CPAMD8: variants seen among roughly 807,000 people sequenced by gnomAD.
CPAMD8 encodes C3 and PZP like alpha-2-macroglobulin domain containing 8.
Under a neutral mutation model 224.7 loss-of-function variants are expected in CPAMD8, and 146 were observed. The ratio of observed to expected loss-of-function variants is 0.65; its 90% CI spans 0.57 to 0.75. The LOEUF (loss-of-function observed/expected upper bound fraction) is 0.75, where lower values mean the gene tolerates loss of function less well. Ranked by LOEUF, CPAMD8 falls within the 30% of genes least tolerant of loss-of-function variation. CPAMD8 has a pLI of 0.00. For missense variants in CPAMD8, 2,301 were observed against 2,537.5 expected, an observed-to-expected ratio of 0.91 and a Z score of 2.00; for synonymous variants, 966 against 1,044.6, an observed-to-expected ratio of 0.92 and a Z score of 1.45.
In CPAMD8 at chr19:16,915,240, T is replaced by A. The variant is rs531323243; in HGVS notation, c.3630-427A>T. Among the ~76,000 whole-genome samples the A allele has an allele frequency of 2.0e-5, 3 of 152,114 alleles. No homozygotes were observed. In the East Asian group the frequency reaches 5.8e-4, roughly 30 times the overall value. On this transcript the variant is annotated intron_variant, in intron 27 of 41. Coordinates refer to ENST00000443236, the MANE Select transcript of CPAMD8 (RefSeq NM_015692.5). ...AGCCATGTGCCCTGGAGATCTGTGC[T>A]TCTCTGTGGTCCCAGCCAGCCAGTC...
At chr19:16,970,551 G>A (rs1201028341) in intron 18 of CPAMD8, among the ~76,000 whole-genome samples, 1 of 151,842 alleles carries the variant, frequency 6.6e-6, no homozygotes, top group Non-Finnish European at 1.5e-5. Context: ...CACCACTGGG[G>A]GTGTGGTCAC....
chr19:16,987,152 C>CAAAAAAAAAAAAAA (rs1214757739), intron 13 of CPAMD8, among the ~76,000 whole-genome samples: 1 of 23,014 alleles, frequency 4.3e-5, no homozygotes, highest in Non-Finnish European at 8.4e-5. Flanking sequence ...GAGACTCTGT[C>CAAAAAAAAAAAAAA]AAAAAAAAAA....
At position 16,952,260 on chromosome 19, in the gene CPAMD8, G is replaced by A. The variant is rs570002050; in HGVS notation, c.2277-60C>T. Reference sequence around the variant, plus strand: ...TTCTCCAGGGCCATGCCTCAGGGGGGCCAGTGGGCATGGATGACCCAGGCT... The same window carrying A: ...TTCTCCAGGGCCATGCCTCAGGGGGACCAGTGGGCATGGATGACCCAGGCT... On this transcript the variant is annotated intron_variant, in intron 19 of 41. Transcript: ENST00000443236. 4.2e-5 allele frequency: 41 copies of A among 980,252 alleles called. No homozygotes were observed. The South Asian group carries it at 4.6e-4, about 11-fold the overall frequency. 60.7% of individuals were successfully genotyped at this position (980,252 alleles called of 1,614,324 possible). A position where few individuals can be genotyped will look rare whatever the true frequency, so the allele number is the denominator to read the frequency against.
At chr19:16,917,434 A>G (rs1266990287) in intron 27 of CPAMD8, among the ~76,000 whole-genome samples, 2 of 152,204 alleles carry the variant, frequency 1.3e-5, no homozygotes, top group African/African-American at 4.8e-5. Flanking sequence ...TTTTTCTGGA[A>G]ACCTAGAACT....
chr19:16,903,556 C>T lies in CPAMD8; in HGVS notation c.4470+5G>A. On this transcript the variant is annotated splice_donor_5th_base_variant and intron_variant, in intron 34 of 41. Coordinates refer to ENST00000443236, the MANE Select transcript of CPAMD8 (RefSeq NM_015692.5). ...AAGATCACCTCGTGCTCCCCAAAACCTCACCTGCATCAGGCAGCAGCCGTC... is the reference window on the plus strand; with the variant it reads ...AAGATCACCTCGTGCTCCCCAAAACTTCACCTGCATCAGGCAGCAGCCGTC... 3 of 1,614,078 alleles carry T rather than the reference C, an allele frequency of 1.9e-6. No homozygotes were observed. The highest frequency in any genetic ancestry group is 2.5e-6 in the Non-Finnish European group (3 of 1,180,006).
chr19:17,001,428 T>C (rs959777954), intron 9 of CPAMD8, among the ~76,000 whole-genome samples: 1 of 96,382 alleles, frequency 1.0e-5, no homozygotes, highest in Non-Finnish European at 2.2e-5. Context: ...GGGAGCAGCC[T>C]TGGGGGAGAG....
chr19:17,002,588 G>A lies in CPAMD8; in HGVS notation c.674-238C>T, dbSNP rs528605994. On this transcript the variant is annotated intron_variant, in intron 8 of 41. Transcript: ENST00000443236. ...CAAGGGGCCTCCCCTGTCACTTTTA[G>A]ACCACGTGCTTAGAGTGTGGCGGAT... 604 of 416,314 alleles carry A rather than the reference G, an allele frequency of 1.5e-3. 2 individuals carry two copies. Among genetic ancestry groups the A allele is most frequent in the Middle Eastern group, 6.2e-3 (9 of 1,460 alleles). The allele number at this position is 416,314 out of a possible 1,614,324, so 25.8% of individuals were successfully genotyped here. A position where few individuals can be genotyped will look rare whatever the true frequency, so the allele number is the denominator to read the frequency against.
At chr19:17,021,379 C>T (rs942881093) in intron 2 of CPAMD8, among the ~76,000 whole-genome samples, 6 of 152,170 alleles carry the variant, frequency 3.9e-5, no homozygotes, top group South Asian at 2.1e-4. Flanking sequence ...CACATTTCCA[C>T]CTTCTCTGGC....
rs369207559 is a variant in CPAMD8 at position 16,980,699 on chromosome 19, C to T, written c.1396-13G>A. The T allele has an allele frequency of 1.4e-4, 210 of 1,515,594 alleles. No homozygotes were observed. Among genetic ancestry groups the T allele is most frequent in the South Asian group, 8.4e-4 (64 of 75,778 alleles). 93.9% of individuals were successfully genotyped at this position (1,515,594 alleles called of 1,614,324 possible). ...CTTCTTCCCCAACCTATGGAAGACACGCAGCATGGGGGGCTCTGCCTCGCA... is the reference window on the plus strand; with the variant it reads ...CTTCTTCCCCAACCTATGGAAGACATGCAGCATGGGGGGCTCTGCCTCGCA... On this transcript the variant is annotated splice_polypyrimidine_tract_variant and intron_variant, in intron 13 of 41. Coordinates refer to ENST00000443236, the MANE Select transcript of CPAMD8 (RefSeq NM_015692.5).
At chr19:16,906,338 CTT>C (rs770883514) in intron 30 of CPAMD8, among the ~76,000 whole-genome samples, 13 of 26,892 alleles carry the variant, frequency 4.8e-4, no homozygotes, top group South Asian at 4.5e-3. Context: ...CCTTCTTTCC[CTT>C]TCTTTCTTTC....
rs568537125 is a variant in CPAMD8 at position 16,985,864 on chromosome 19, T to C, written c.1395+3779A>G. On this transcript the variant is annotated intron_variant, in intron 13 of 41. Coordinates refer to ENST00000443236, the MANE Select transcript of CPAMD8 (RefSeq NM_015692.5). Reference sequence around the variant, plus strand: ...GATGGAGGGTGGATGGAGGGATGAATGAAAGGATATAGGCAAAGCATTAAT... The same window carrying C: ...GATGGAGGGTGGATGGAGGGATGAACGAAAGGATATAGGCAAAGCATTAAT... Among the ~76,000 whole-genome samples, 151 of 151,948 alleles carry C rather than the reference T, an allele frequency of 9.9e-4. 1 individual carries two copies. The highest frequency in any genetic ancestry group is 3.5e-3 in the African/African-American group (144 of 41,430).
Position 16,904,225 on chromosome 19 carries a change from C to T in CPAMD8, c.4251+1G>A, listed in dbSNP as rs2052379116. 1 of 1,608,674 alleles carries T rather than the reference C, an allele frequency of 6.2e-7. No individual in the cohort carries two copies. The highest frequency in any genetic ancestry group is 1.7e-5 in the Admixed American group (1 of 59,450). ...CCTCCCTCTGGCCCTGCCCGGCTCG[C>T]CTGAGTGGAGGAGAAGCCCCCAAGT... is the stretch of plus-strand genomic sequence containing the variant. On this transcript the variant is annotated splice_donor_variant, in intron 32 of 41. Transcript: ENST00000443236. LOFTEE classifies it high-confidence loss of function.
At chr19:16,939,282 A>G (rs2053806619) in intron 22 of CPAMD8, among the ~76,000 whole-genome samples, 1 of 151,824 alleles carries the variant, frequency 6.6e-6, no homozygotes, top group Non-Finnish European at 1.5e-5. Context: ...ATCTCAGCTC[A>G]TTGAAACTTC....
At chr19:16,904,175 G>GACCCCCCCCCCCCC in intron 32 of CPAMD8, 51 bp downstream of exon 32, 1 of 1,060,418 alleles carries the variant, frequency 9.4e-7, no homozygotes, top group Admixed American at 1.9e-5. Context: ...GGACTGCAGG[G>GACCCCCCCCCCCCC]ACCCCACCCA....
intron 19 of CPAMD8, among the ~76,000 whole-genome samples, chr19:16,953,321 T>C (rs1267515837): frequency 1.4e-5 from 2 of 141,446 alleles, no homozygotes; most frequent in South Asian, 2.2e-4. Flanking sequence ...TTCATGGATA[T>C]GAAAACAAAG....
intron 17 of CPAMD8, among the ~76,000 whole-genome samples, chr19:16,974,615 C>T (rs1004300949): frequency 2.6e-5 from 4 of 151,990 alleles, no homozygotes; most frequent in South Asian, 2.1e-4. Context: ...CTGCTCTCCA[C>T]GGCTTTGCAA....
At chr19:16,904,176 A>ACGGCCCCCCCCC in intron 32 of CPAMD8, 50 bp downstream of exon 32, 2 of 937,332 alleles carry the variant, frequency 2.1e-6, no homozygotes, top group East Asian at 2.6e-5. Flanking sequence ...GACTGCAGGG[A>ACGGCCCCCCCCC]CCCCACCCAC....
At chr19:16,968,092 C>G (rs2054922489) in intron 18 of CPAMD8, among the ~76,000 whole-genome samples, 1 of 152,024 alleles carries the variant, frequency 6.6e-6, no homozygotes, top group African/African-American at 2.4e-5. Context: ...TCTATACCAG[C>G]CCCAGGACAA....
intron 6 of CPAMD8, 151 bp from the exon 7 acceptor site, chr19:17,008,710 A>T (rs186744871): frequency 3.4e-4 from 294 of 870,352 alleles, no homozygotes; most frequent in African/African-American, 3.2e-3. Flanking sequence ...GGGCAAAAAA[A>T]AAGCTCTGGA....
Sources: gnomAD v4.1 joint callset for allele counts (sites outside exome capture counted in the v4.1 genomes callset) on GRCh38, gnomAD v4.1.1 for gene constraint, MANE v1.5 for transcripts, NCBI Gene and HGNC (gene_info 2026-07-23, HGNC 2026-07-21) for gene names.